The following TRDN variants were observed in gnomAD, a reference collection of about 807,000 sequenced individuals.
TRDN encodes triadin in skeletal muscle.
TRDN carries 161 observed loss-of-function variants against 149.7 expected under a neutral mutation model. The observed-to-expected ratio is 1.08, with a 90% confidence interval of 0.95 to 1.23. The LOEUF (loss-of-function observed/expected upper bound fraction) is 1.23. TRDN is among the 50% of genes most tolerant of loss of function. The pLI is 0.00. For synonymous variants in TRDN, 294 were observed against 250.5 expected (o/e 1.17, Z -1.64); for missense variants, 896 against 823.5 (o/e 1.09, Z -1.08).
chr6:123,381,453 C>T (rs1368774552), intron 15 of TRDN, 63 bp from the exon 16 acceptor site: 4 of 1,449,586 alleles, frequency 2.8e-6, no homozygotes, highest in African/African-American at 2.8e-5. Flanking sequence ...TACTACCCTA[C>T]ATATTGATTA....
intron 8 of TRDN, among the ~76,000 whole-genome samples, chr6:123,500,944 C>T (rs1384526825): frequency 1.3e-5 from 2 of 152,056 alleles, no homozygotes; most frequent in African/African-American, 4.8e-5. Context: ...GTTTCTCCTT[C>T]CCCACAGACC....
Position 123,503,528 on chromosome 6 carries a change from A to C in TRDN, c.793+191T>G, listed in dbSNP as rs1168954914. The C allele has an allele frequency of 3.5e-6, 5 of 1,421,072 alleles. No homozygotes were observed. In the African/African-American group the frequency reaches 7.2e-5, roughly 20 times the overall value. 88.0% of individuals were successfully genotyped at this position (1,421,072 alleles called of 1,614,324 possible). ...AATGCCCCTTTAGATCTGTGAACAC[A>C]TTTTAGTATTTTTATAAATAAATAT... On this transcript the variant is annotated intron_variant, in intron 8 of 40. Coordinates refer to ENST00000334268, the MANE Select transcript of TRDN (RefSeq NM_006073.4).
chr6:123,265,873 AT>A (rs1396894054), intron 32 of TRDN, among the ~76,000 whole-genome samples: 1 of 147,454 alleles, frequency 6.8e-6, no homozygotes, highest in Admixed American at 6.9e-5. Context: ...AAGACATTCT[AT>A]TTTTTTCCAA....
rs529987892 is a variant in TRDN, at chr6:123,401,013, G to A, written c.1052-7336C>T. The stretch of plus-strand genomic sequence containing the variant: ...GTTCTTGGTACTGAGCAGCCATCCC[G>A]AAATGTTATTGCGTGAAAAAGTGAA... On this transcript the variant is annotated intron_variant, in intron 12 of 40. Transcript: ENST00000334268. Among the ~76,000 whole-genome samples, 18 of 152,232 alleles carry A rather than the reference G, an allele frequency of 1.2e-4. No individual in the cohort carries two copies. In the South Asian group the frequency reaches 2.3e-3, roughly 19 times the overall value.
At chr6:123,501,265 C>A (rs1778686256) in intron 8 of TRDN, among the ~76,000 whole-genome samples, 1 of 151,626 alleles carries the variant, frequency 6.6e-6, no homozygotes, top group Non-Finnish European at 1.5e-5. Flanking sequence ...AATCTGTTTC[C>A]AAGTGAGTAA....
At chr6:123,361,629 C>T (rs1364950461) in intron 20 of TRDN, among the ~76,000 whole-genome samples, 1 of 152,066 alleles carries the variant, frequency 6.6e-6, no homozygotes, top group Non-Finnish European at 1.5e-5. Context: ...ATATACTTCA[C>T]TCCCTCTTTC....
At chr6:123,480,416 T>TA (rs1777697326) in intron 9 of TRDN, among the ~76,000 whole-genome samples, 1 of 152,106 alleles carries the variant, frequency 6.6e-6, no homozygotes, top group Non-Finnish European at 1.5e-5. Flanking sequence ...TCATTTAATT[T>TA]AATCGATCCC....
rs111234248 is a variant in TRDN at position 123,484,290 on chromosome 6, A to G, written c.853+12903T>C. Among the ~76,000 whole-genome samples, 921 of 152,284 alleles carry G rather than the reference A, an allele frequency of 6.0e-3. 5 individuals carry two copies. Among genetic ancestry groups the G allele is most frequent in the African/African-American group, 0.022 (899 of 41,570 alleles). On this transcript the variant is annotated intron_variant, in intron 9 of 40. Coordinates refer to ENST00000334268, the MANE Select transcript of TRDN (RefSeq NM_006073.4). ...TGTCCGCTTAAGAAAAGGGGTAAGAACTATGCATTTATGGAAATGGTTAGA... is the reference window on the plus strand; with the variant it reads ...TGTCCGCTTAAGAAAAGGGGTAAGAGCTATGCATTTATGGAAATGGTTAGA...
intron 38 of TRDN, among the ~76,000 whole-genome samples, chr6:123,238,304 T>C (rs1775862092): frequency 6.6e-6 from 1 of 152,196 alleles, no homozygotes; most frequent in African/African-American, 2.4e-5. Flanking sequence ...TGAACAAAAT[T>C]ACCATGTAAG....
chr6:123,558,778 G>A lies in TRDN; in HGVS notation c.233-10166C>T, dbSNP rs374725060. Among the ~76,000 whole-genome samples, 75 of 152,200 alleles carry A rather than the reference G, an allele frequency of 4.9e-4. No homozygotes were observed. In the East Asian group the frequency reaches 9.5e-3, roughly 19 times the overall value. Reference sequence around the variant, plus strand: ...AGAGTAGAGGCAGCCAAGTAGCAATGTATTTCTGAGTTGCAATTCCTTGCC... The same window carrying A: ...AGAGTAGAGGCAGCCAAGTAGCAATATATTTCTGAGTTGCAATTCCTTGCC... On this transcript the variant is annotated intron_variant, in intron 2 of 40. Transcript: ENST00000334268.
intron 1 of TRDN, among the ~76,000 whole-genome samples, chr6:123,624,644 C>T (rs2114721877): frequency 6.6e-6 from 1 of 152,250 alleles, no homozygotes; most frequent in South Asian, 2.1e-4. Context: ...ACAACTCTGC[C>T]AACAGATTTG....
In TRDN at chr6:123,255,875, T is replaced by A; in HGVS notation, c.1898A>T (p.Glu633Val). Residue 633 changes from glutamate (E) to valine (V), a missense_variant, in exon 36 of 41, where the codon GAA becomes GTA. Physicochemically the swap from Glu to Val is moderately radical, Grantham distance 121. Transcript: ENST00000334268. ...KEKADMKHLR[E>V]EKVSTRKESL... ...TTCTTTTAAAAAATTACCTTTTTCT[T>A]CTCTAAGATGCTTCATGTCTGCTTT... 1 of 1,357,018 alleles carries A rather than the reference T, an allele frequency of 7.4e-7. No individual in the cohort carries two copies. 84.1% of individuals were successfully genotyped at this position (1,357,018 alleles called of 1,614,324 possible). A position where few individuals can be genotyped will look rare whatever the true frequency, so the allele number is the denominator to read the frequency against.
intron 38 of TRDN, among the ~76,000 whole-genome samples, chr6:123,239,838 T>A (rs1239863472): frequency 6.6e-6 from 1 of 152,030 alleles, no homozygotes; most frequent in Non-Finnish European, 1.5e-5. Context: ...ATTTGATATT[T>A]ATAAAGGAAA....
rs773142604 is a variant in TRDN at position 123,221,516 on chromosome 6, G to T, written c.2021C>A (p.Thr674Asn). 4 of 1,566,418 alleles carry T rather than the reference G, an allele frequency of 2.6e-6. No homozygotes were observed. The Admixed American group carries it at 5.1e-5, about 20-fold the overall frequency. The change falls in exon 40 of 41, where the codon ACT (threonine) becomes AAT (asparagine). Residue 674 changes from threonine (T) to asparagine (N), a missense_variant. Coordinates refer to ENST00000334268, the MANE Select transcript of TRDN (RefSeq NM_006073.4). ...CTGCTTTGTGGGAGACACATCTTCA[G>T]TTCCTTCTAGTGGATAAAAAATATA... ...VPASKKAKEG[T>N]EDVSPTKQKS...
chr6:123,295,590 T>C (rs1778162321), intron 24 of TRDN, among the ~76,000 whole-genome samples: 2 of 152,186 alleles, frequency 1.3e-5, no homozygotes, highest in African/African-American at 4.8e-5. Flanking sequence ...AGGTGATAGG[T>C]ATCTTAATTA....
Position 123,320,235 on chromosome 6 carries a change from A to G in TRDN, c.1472-3740T>C, listed in dbSNP as rs189656557. Among the ~76,000 whole-genome samples, 649 of 151,764 alleles carry G rather than the reference A, an allele frequency of 4.3e-3. 7 individuals are homozygous for G. Among genetic ancestry groups the G allele is most frequent in the African/African-American group, 0.015 (613 of 41,476 alleles). On this transcript the variant is annotated intron_variant, in intron 23 of 40. Coordinates refer to ENST00000334268, the MANE Select transcript of TRDN (RefSeq NM_006073.4). ...TAATCATTATTATTATTTTGCACCA[A>G]TGACACTTTGTATTTGCCACATGGT...
intron 26 of TRDN, among the ~76,000 whole-genome samples, chr6:123,276,344 A>G (rs1346284784): frequency 6.6e-6 from 1 of 152,150 alleles, no homozygotes; most frequent in Non-Finnish European, 1.5e-5. Flanking sequence ...GTGGCAAAAA[A>G]CTTAGCTTAA....
intron 12 of TRDN, among the ~76,000 whole-genome samples, chr6:123,406,332 C>G (rs2114499527): frequency 6.6e-6 from 1 of 152,158 alleles, no homozygotes; most frequent in South Asian, 2.1e-4. Context: ...TTTTTAAACA[C>G]AGTGTTTAAA....
At chr6:123,268,250 C>A (rs1020569010) in intron 31 of TRDN, among the ~76,000 whole-genome samples, 3 of 151,908 alleles carry the variant, frequency 2.0e-5, no homozygotes, top group Non-Finnish European at 4.4e-5. Context: ...CCAGAGAGTG[C>A]CACATTTTGT....
Sources: gnomAD v4.1 joint callset for allele counts (sites outside exome capture counted in the v4.1 genomes callset) on GRCh38, gnomAD v4.1.1 for gene constraint, MANE v1.5 for transcripts, NCBI Gene and HGNC (gene_info 2026-07-23, HGNC 2026-07-21) for gene names.